The following CCDC136 variants were observed in gnomAD, a reference collection of about 807,000 sequenced individuals.
The protein encoded by CCDC136 is coiled-coil domain-containing protein 136.
CCDC136 carries 100 observed loss-of-function variants against 141.2 expected under a neutral mutation model. That is an observed-to-expected ratio of 0.71 (90% CI 0.60 to 0.84). The LOEUF (loss-of-function observed/expected upper bound fraction) is 0.84, where lower values mean the gene tolerates loss of function less well. Among genes scored for constraint, CCDC136 ranks in the 40% least tolerant of loss-of-function variants. The pLI, the probability that CCDC136 is intolerant of heterozygous loss-of-function variation, is 0.00. For synonymous variants in CCDC136, 474 were observed against 531.9 expected, an observed-to-expected ratio of 0.89 and a Z score of 1.50; for missense variants, 1,206 against 1,379.4, an observed-to-expected ratio of 0.87 and a Z score of 1.99.
upstream of CCDC136, chr7:128,791,454 C>A: frequency 1.5e-6 from 2 of 1,305,276 alleles, no homozygotes; most frequent in Non-Finnish European, 1.9e-6. This position sits in a 1 kb window ranked among gnomAD's most constrained non-coding sequence, Gnocchi z 7.1. Flanking sequence ...GCGGCTGCGG[C>A]TTCTGCTCAG....
chr7:128,797,967 G>T (rs1803302454), intron 3 of CCDC136, among the ~76,000 whole-genome samples: 1 of 151,386 alleles, frequency 6.6e-6, no homozygotes, highest in Non-Finnish European at 1.5e-5. Flanking sequence ...GCCCAGGCTG[G>T]AGTGCAGTGG....
At chr7:128,808,212 T>C (rs1439052322) in intron 10 of CCDC136, among the ~76,000 whole-genome samples, 2 of 152,162 alleles carry the variant, frequency 1.3e-5, no homozygotes, top group Non-Finnish European at 2.9e-5. Flanking sequence ...AATTTTTGTA[T>C]TTTTAGTTGA....
chr7:128,806,673 C>A lies in CCDC136; in HGVS notation c.1249-15C>A. On this transcript the variant is annotated splice_polypyrimidine_tract_variant and intron_variant, in intron 8 of 17. Coordinates refer to ENST00000297788, the MANE Select transcript of CCDC136 (RefSeq NM_022742.5). ...AGGAGCCCAAAGGCACTGCCCAAAG[C>A]CCCCTCTACCATAGGAGTTACTGTG... 1 of 1,604,660 alleles carries A rather than the reference C, an allele frequency of 6.2e-7. No individual in the cohort carries two copies. Among genetic ancestry groups the A allele is most frequent in the Non-Finnish European group, 8.5e-7 (1 of 1,176,306 alleles).
rs374219801 is a variant in CCDC136, at chr7:128,806,817, C to G, written c.1378C>G (p.Leu460Val). ...LQCHEAELQH[L>V]RDTVASFKES... ...GTGCCATGAGGCAGAGCTGCAGCAC[C>G]TCAGGGATACGGTGGCCTCCTTCAA... is the stretch of plus-strand genomic sequence containing the variant. The change falls in exon 9 of 18, where the codon CTC becomes GTC. Residue 460 changes from leucine to valine, a missense_variant. Physicochemically the swap from Leu to Val is conservative, Grantham distance 32. Coordinates refer to ENST00000297788, the MANE Select transcript of CCDC136 (RefSeq NM_022742.5). 1.9e-5 allele frequency: 31 copies of G among 1,612,620 alleles called. No individual in the cohort carries two copies. The highest frequency in any genetic ancestry group is 2.6e-5 in the Non-Finnish European group (31 of 1,179,550).
At chr7:128,806,551 A>G (rs567092542) in intron 8 of CCDC136, 137 bp from the exon 9 acceptor site, 4 of 1,049,046 alleles carry the variant, frequency 3.8e-6, no homozygotes, top group African/African-American at 1.6e-5. Flanking sequence ...CGAGTACTAC[A>G]TTAGATATGA....
intron 17 of CCDC136, chr7:128,818,149 T>C (rs1410905602): frequency 2.7e-6 from 1 of 371,228 alleles, no homozygotes; most frequent in Non-Finnish European, 4.9e-6. Context: ...CCAGCTTGGT[T>C]GCTGCTGTCA....
intron 11 of CCDC136, 96 bp from the exon 12 acceptor site, chr7:128,810,043 G>C: frequency 4.0e-6 from 3 of 744,716 alleles, no homozygotes; most frequent in Non-Finnish European, 6.6e-6. Context: ...GATTCTTCAG[G>C]GAATTGTTCA....
intron 12 of CCDC136, among the ~76,000 whole-genome samples, chr7:128,810,652 C>A (rs919810620): frequency 3.3e-5 from 5 of 152,188 alleles, no homozygotes; most frequent in African/African-American, 1.2e-4. Context: ...CTGGGATGAC[C>A]AGAAGTCTGT....
At chr7:128,791,639 C>G, upstream of CCDC136, 1 of 854,230 alleles carries the variant, frequency 1.2e-6, no homozygotes, top group Non-Finnish European at 1.6e-6. This position sits in a 1 kb window ranked among gnomAD's most constrained non-coding sequence, Gnocchi z 7.1. Flanking sequence ...TGCTCCCGGC[C>G]TCCGCGGCTC....
chr7:128,800,325 C>T (rs868656346), intron 3 of CCDC136, among the ~76,000 whole-genome samples: 66 of 152,322 alleles, frequency 4.3e-4, no homozygotes, highest in Middle Eastern at 3.4e-3. Context: ...GAGTCTCACT[C>T]TGTTGCCCAG....
intron 3 of CCDC136, among the ~76,000 whole-genome samples, chr7:128,796,747 T>C (rs1381048526): frequency 9.1e-6 from 1 of 110,276 alleles, no homozygotes; most frequent in African/African-American, 4.2e-5. Context: ...ATATTCTTTT[T>C]TTTTTTTTTT....
Position 128,805,335 on chromosome 7 carries a change from T to C in CCDC136, c.783-24T>C, listed in dbSNP as rs1457001596. ...TGCCAGGCAGAACTCCCTTCAAGCATAGCTCTGCGGTTCTGAATTGCAGGA... is the reference window on the plus strand; with the variant it reads ...TGCCAGGCAGAACTCCCTTCAAGCACAGCTCTGCGGTTCTGAATTGCAGGA... On this transcript the variant is annotated intron_variant, in intron 5 of 17. Coordinates refer to ENST00000297788, the MANE Select transcript of CCDC136 (RefSeq NM_022742.5). This position sits in a 1 kb window ranked among gnomAD's most constrained non-coding sequence, Gnocchi z 4.6. 6.2e-7 allele frequency: 1 copy of C among 1,611,016 alleles called. No individual in the cohort carries two copies.
chr7:128,806,875 G>C lies in CCDC136; in HGVS notation c.1419+17G>C. 2 of 1,585,290 alleles carry C rather than the reference G, an allele frequency of 1.3e-6. No individual in the cohort carries two copies. The highest frequency in any genetic ancestry group is 1.7e-6 in the Non-Finnish European group (2 of 1,163,800). On this transcript the variant is annotated intron_variant, in intron 9 of 17. Coordinates refer to ENST00000297788, the MANE Select transcript of CCDC136 (RefSeq NM_022742.5). ...AATGAGAAGGTAAAAGAAGCTCCTG[G>C]TGAGGGAGGATGTAGCCAGGCATCA...
intron 12 of CCDC136, among the ~76,000 whole-genome samples, 166 bp from the exon 13 acceptor site, chr7:128,811,634 A>G (rs1009144974): frequency 6.6e-6 from 1 of 152,214 alleles, no homozygotes; most frequent in Admixed American, 6.5e-5. Context: ...AAACTGATAC[A>G]TGCCAGTTAC....
At position 128,810,831 on chromosome 7, in the gene CCDC136, C is replaced by T. The variant is rs541321716; in HGVS notation, c.2028+465C>T. On this transcript the variant is annotated intron_variant, in intron 12 of 17. Coordinates refer to ENST00000297788, the MANE Select transcript of CCDC136 (RefSeq NM_022742.5). ...TGTTCTCTATGAGGCAAATTTGGGGCCTTTCATTTCCAAGAGAAGAATTCC... is the reference window on the plus strand; with the variant it reads ...TGTTCTCTATGAGGCAAATTTGGGGTCTTTCATTTCCAAGAGAAGAATTCC... Among the ~76,000 whole-genome samples, 8 of 152,262 alleles carry T rather than the reference C, an allele frequency of 5.3e-5. No individual in the cohort carries two copies. The South Asian group carries it at 1.7e-3, about 32-fold the overall frequency.
At chr7:128,818,170 A>G (rs1032615272) in intron 17 of CCDC136, 1 of 334,110 alleles carries the variant, frequency 3.0e-6, no homozygotes, top group Non-Finnish European at 5.6e-6. Context: ...AAGCTGCCTC[A>G]CTACTTCTTT....
chr7:128,814,944 A>G, intron 15 of CCDC136, 25 bp downstream of exon 15: 1 of 1,533,512 alleles, frequency 6.5e-7, no homozygotes, highest in Non-Finnish European at 8.8e-7. Flanking sequence ...TGGTAGCCAG[A>G]TAAGCAGAAA....
rs983036286 is a variant in CCDC136, at chr7:128,816,530, C to T, written c.3363+599C>T. 2.7e-4 allele frequency among the ~76,000 whole-genome samples: 41 copies of T among 152,300 alleles called. 1 individual carries two copies. The highest frequency in any genetic ancestry group is 9.9e-4 in the African/African-American group (41 of 41,558). ...CACATCTGTACAGTAGGAGCATAGA[C>T]TAGTCCAAGGAGACCATCCCTAGCC... On this transcript the variant is annotated intron_variant, in intron 16 of 17. Coordinates refer to ENST00000297788, the MANE Select transcript of CCDC136 (RefSeq NM_022742.5).
chr7:128,817,451 C>T lies in CCDC136; in HGVS notation c.3364-307C>T, dbSNP rs1294953429. Among the ~76,000 whole-genome samples, 1 of 152,036 alleles carries T rather than the reference C, an allele frequency of 6.6e-6. No individual in the cohort carries two copies. The highest frequency in any genetic ancestry group is 2.4e-5 in the African/African-American group (1 of 41,384). ...AAGAAAGGTCTAGATGCAGATACCTCCTGCTTGACAGGATATGAGAGGTAT... is the reference window on the plus strand; with the variant it reads ...AAGAAAGGTCTAGATGCAGATACCTTCTGCTTGACAGGATATGAGAGGTAT... On this transcript the variant is annotated intron_variant, in intron 16 of 17. Transcript: ENST00000297788. This position sits in a 1 kb window ranked among gnomAD's most constrained non-coding sequence, Gnocchi z 4.6.
Sources: gnomAD v4.1 joint callset for allele counts (sites outside exome capture counted in the v4.1 genomes callset) on GRCh38, gnomAD v4.1.1 for gene constraint, Gnocchi (gnomAD v3.1) non-coding constraint, MANE v1.5 for transcripts, NCBI Gene and HGNC (gene_info 2026-07-23, HGNC 2026-07-21) for gene names.